The following TMEM97 variants were observed in gnomAD, a reference collection of about 807,000 sequenced individuals.
The protein encoded by TMEM97 is sigma intracellular receptor 2.
TMEM97 carries 13 observed loss-of-function variants against 18.3 expected under a neutral mutation model. That is an observed-to-expected ratio of 0.71 (90% confidence interval 0.46 to 1.13). TMEM97 has a LOEUF of 1.13. Among genes scored for constraint, TMEM97 ranks in the 50% most tolerant of loss-of-function variants. TMEM97 has a pLI of 0.00. For missense variants in TMEM97, 205 were observed against 210.5 expected (o/e 0.97, Z 0.16); for synonymous variants, 76 against 85.3 (o/e 0.89, Z 0.60).
chr17:28,323,311 G>A (rs1466735449), intron 1 of TMEM97, among the ~76,000 whole-genome samples: 1 of 152,062 alleles, frequency 6.6e-6, no homozygotes, highest in Non-Finnish European at 1.5e-5. Context: ...ATCTCATCTT[G>A]TAGGCCTTAG....
At position 28,326,964 on chromosome 17, in the gene TMEM97, ATT is replaced by A. The variant is rs782224492; in HGVS notation, c.*186_*187del. ...CCATGTCAAACCCTCACCTTCTTCC[ATT>A]TTTTTTTTTTTTTTAAGACAGTCTC... is the stretch of plus-strand genomic sequence containing the variant. On this transcript the variant is annotated 3_prime_UTR_variant, in exon 3 of 3. Transcript: ENST00000226230. The A allele has an allele frequency of 8.8e-3, 5,349 of 605,140 alleles. No individual in the cohort carries two copies. The highest frequency in any genetic ancestry group is 0.01 in the South Asian group (441 of 42,990). 37.5% of individuals were successfully genotyped at this position (605,140 alleles called of 1,614,324 possible). A position where few individuals can be genotyped will look rare whatever the true frequency, so the allele number is the denominator to read the frequency against.
Position 28,319,287 on chromosome 17 carries a change from C to G in TMEM97, c.48C>G (p.Leu16=), listed in dbSNP as rs1906035839. The G allele has an allele frequency of 6.2e-7, 1 of 1,610,944 alleles. No individual in the cohort carries two copies. Among genetic ancestry groups the G allele is most frequent in the African/African-American group, 1.3e-5 (1 of 74,698 alleles). ...TRRCVEWLLG[L]YFLSHIPITL... is the part of the protein sequence containing the mutation. ...GCTGCGTGGAGTGGCTGCTGGGCCT[C>G]TACTTCCTCAGCCACATCCCCATCA... The change falls in exon 1 of 3, where the codon CTC becomes CTG. Residue 16 remains leucine (L), a synonymous_variant. Coordinates refer to ENST00000226230, the MANE Select transcript of TMEM97 (RefSeq NM_014573.3).
rs376332888 is a variant in TMEM97, at chr17:28,326,538, C to T, written c.276C>T (p.Ser92=). Residue 92 remains serine (S), a synonymous_variant, in exon 3 of 3, where the codon AGC becomes AGT. Coordinates refer to ENST00000226230, the MANE Select transcript of TMEM97 (RefSeq NM_014573.3). ...PIATYAFLKG[S]CKWIRTPAII... is the part of the protein sequence containing the mutation. ...CTTTTCCCCTGACTACCTCAGGAAG[C>T]TGCAAGTGGATTCGAACTCCTGCAA... 18 of 1,613,164 alleles carry T rather than the reference C, an allele frequency of 1.1e-5. No individual in the cohort carries two copies. In the African/African-American group the frequency reaches 1.2e-4, roughly 11 times the overall value.
At chr17:28,326,101 A>G (rs946971293) in intron 2 of TMEM97, among the ~76,000 whole-genome samples, 1 of 152,204 alleles carries the variant, frequency 6.6e-6, no homozygotes, top group Non-Finnish European at 1.5e-5. Flanking sequence ...AAAGGTGACC[A>G]TACACGTGTA....
chr17:28,324,954 C>G (rs1449540205), intron 1 of TMEM97, among the ~76,000 whole-genome samples: 2 of 152,002 alleles, frequency 1.3e-5, no homozygotes, highest in Non-Finnish European at 2.9e-5. Context: ...CTTCCCCTTT[C>G]ACTCCCACCC....
intron 1 of TMEM97, 26 bp from the exon 2 acceptor site, chr17:28,325,477 T>G: frequency 6.2e-7 from 1 of 1,611,300 alleles, no homozygotes; most frequent in Admixed American, 1.7e-5. Flanking sequence ...GTGGCTGTAA[T>G]TCATCATGAT....
chr17:28,325,391 G>A (rs1194124565), intron 1 of TMEM97, 112 bp from the exon 2 acceptor site: 15 of 1,403,264 alleles, frequency 1.1e-5, no homozygotes, highest in Admixed American at 2.2e-5. Flanking sequence ...TGCCGGGGTA[G>A]TGGGGGGTGG....
At position 28,328,607 on chromosome 17, in the gene TMEM97, C is replaced by CT. The variant is rs781854530; in HGVS notation, c.*1822dup. 125 of 1,346,324 alleles carry CT rather than the reference C, an allele frequency of 9.3e-5. No individual in the cohort carries two copies. Among genetic ancestry groups the CT allele is most frequent in the South Asian group, 5.1e-4 (40 of 78,528 alleles). 83.4% of individuals were successfully genotyped at this position (1,346,324 alleles called of 1,614,324 possible). ...CAGAGGTTTTTTTGGTTTTGAGAGGCTTTTTTTTGTTTTGCCTTCCTACTA... is the reference window on the plus strand; with the variant it reads ...CAGAGGTTTTTTTGGTTTTGAGAGGCTTTTTTTTTGTTTTGCCTTCCTACTA... On this transcript the variant is annotated 3_prime_UTR_variant, in exon 3 of 3. Transcript: ENST00000226230.
rs1186508609 is a variant in TMEM97, at chr17:28,326,989, C to T, written c.*196C>T. 1.1e-5 allele frequency: 7 copies of T among 631,682 alleles called. No individual in the cohort carries two copies. Among genetic ancestry groups the T allele is most frequent in the Middle Eastern group, 4.4e-4 (1 of 2,290 alleles). 39.1% of individuals were successfully genotyped at this position (631,682 alleles called of 1,614,324 possible). A position where few individuals can be genotyped will look rare whatever the true frequency, so the allele number is the denominator to read the frequency against. On this transcript the variant is annotated 3_prime_UTR_variant, in exon 3 of 3. Coordinates refer to ENST00000226230, the MANE Select transcript of TMEM97 (RefSeq NM_014573.3). Reference sequence around the variant, plus strand: ...ATTTTTTTTTTTTTTTTAAGACAGTCTCACTCTGTTGCCCAGGCTGGAGTA... The same window carrying T: ...ATTTTTTTTTTTTTTTTAAGACAGTTTCACTCTGTTGCCCAGGCTGGAGTA...
intron 1 of TMEM97, among the ~76,000 whole-genome samples, chr17:28,322,541 G>A (rs1213380058): frequency 1.3e-5 from 2 of 152,118 alleles, no homozygotes; most frequent in Non-Finnish European, 2.9e-5. Flanking sequence ...ACCACGCCTG[G>A]CCTGGAAAAA....
At chr17:28,321,834 G>GTGTA (rs1906156611) in intron 1 of TMEM97, among the ~76,000 whole-genome samples, 1 of 151,122 alleles carries the variant, frequency 6.6e-6, no homozygotes, top group Non-Finnish European at 1.5e-5. Flanking sequence ...GTGTGTGTGT[G>GTGTA]TGTGTGTGTT....
At chr17:28,319,661 G>GGAAGTAGTCTGGATGAA (rs1335728947) in intron 1 of TMEM97, 1 of 313,240 alleles carries the variant, frequency 3.2e-6, no homozygotes, top group Non-Finnish European at 5.8e-6. Flanking sequence ...AGTGTCTGAG[G>GGAAGTAGTCTGGATGAA]GAAGTAGTCT....
Position 28,319,226 on chromosome 17 carries a change from C to G in TMEM97, c.-14C>G, listed in dbSNP as rs1314102161. On this transcript the variant is annotated 5_prime_UTR_variant, in exon 1 of 3. Coordinates refer to ENST00000226230, the MANE Select transcript of TMEM97 (RefSeq NM_014573.3). ...TCTTCTCACATCAGCGGGTCCAGGC[C>G]CAACCGACAGACTATGGGGGCTCCG... is the stretch of plus-strand genomic sequence containing the variant. The G allele has an allele frequency of 8.8e-6, 14 of 1,598,656 alleles. No homozygotes were observed. In the Admixed American group the frequency reaches 1.7e-4, roughly 20 times the overall value.
At chr17:28,319,407 C>CT in intron 1 of TMEM97, 42 bp downstream of exon 1, 1 of 1,371,916 alleles carries the variant, frequency 7.3e-7, no homozygotes, top group South Asian at 1.3e-5. Flanking sequence ...GAGGCTCTCC[C>CT]GGCGCTGCGT....
rs369813368 is a variant in TMEM97, at chr17:28,319,308, C to T, written c.69C>T (p.Pro23=). ...LLGLYFLSHI[P]ITLFMDLQAV... ...GCCTCTACTTCCTCAGCCACATCCC[C>T]ATCACCCTGTTCATGGACCTGCAGG... Residue 23 remains proline, a synonymous_variant, in exon 1 of 3, where the codon CCC becomes CCT. Coordinates refer to ENST00000226230, the MANE Select transcript of TMEM97 (RefSeq NM_014573.3). 1.6e-5 allele frequency: 25 copies of T among 1,611,258 alleles called. No homozygotes were observed. The highest frequency in any genetic ancestry group is 4.0e-5 in the African/African-American group (3 of 74,664).
intron 2 of TMEM97, 151 bp downstream of exon 2, chr17:28,325,798 A>G: frequency 9.3e-7 from 1 of 1,078,988 alleles, no homozygotes; most frequent in South Asian, 1.6e-5. Flanking sequence ...TAGATCTTGT[A>G]AAGGGACATT....
In TMEM97 at chr17:28,321,840, GTGTT is replaced by G. The variant is rs1299006752; in HGVS notation, c.126+2479_126+2482del. 1.6e-4 allele frequency among the ~76,000 whole-genome samples: 24 copies of G among 150,400 alleles called. No homozygotes were observed. The East Asian group carries it at 3.2e-3, about 20-fold the overall frequency. On this transcript the variant is annotated intron_variant, in intron 1 of 2. Transcript: ENST00000226230. ...TGTGTGTGTGTGTGTGTGTGTGTGTGTGTTTGTGTGAGATTTAGGCATTAGCACG... is the reference window on the plus strand; with the variant it reads ...TGTGTGTGTGTGTGTGTGTGTGTGTGTGTGTGAGATTTAGGCATTAGCACG...
intron 1 of TMEM97, among the ~76,000 whole-genome samples, chr17:28,323,948 A>G (rs1302927338): frequency 6.6e-6 from 1 of 152,180 alleles, no homozygotes; most frequent in Non-Finnish European, 1.5e-5. Flanking sequence ...CAGTGGGCCG[A>G]GATCAAATCA....
chr17:28,320,080 G>GT (rs1360365501), intron 1 of TMEM97, among the ~76,000 whole-genome samples: 6 of 149,394 alleles, frequency 4.0e-5, no homozygotes, highest in Admixed American at 1.3e-4. Flanking sequence ...GTTCGTTGAG[G>GT]TTTTTTTCTC....
Sources: allele counts gnomAD v4.1 joint callset (sites outside exome capture counted in the v4.1 genomes callset), GRCh38; gene constraint gnomAD v4.1.1; transcripts MANE v1.5; gene names NCBI Gene and HGNC (gene_info 2026-07-23, HGNC 2026-07-21).